MARCHF1: variants seen among roughly 807,000 people sequenced by gnomAD.
MARCHF1 encodes E3 ubiquitin-protein ligase MARCHF1.
MARCHF1 carries 40 observed loss-of-function variants against 54.2 expected under a neutral mutation model. The observed-to-expected ratio is 0.74, with a 90% CI of 0.57 to 0.96. The LOEUF is 0.96. Ranked by LOEUF, MARCHF1 falls within the 40% of genes least tolerant of loss-of-function variation. The pLI is 0.00. For missense variants in MARCHF1, 586 were observed against 656.5 expected, an observed-to-expected ratio of 0.89 and a Z score of 1.17; for synonymous variants, 236 against 236.3, an observed-to-expected ratio of 1.00 and a Z score of 0.01.
chr4:163,728,550 T>C (rs1020707691), intron 4 of MARCHF1, among the ~76,000 whole-genome samples: 1 of 152,210 alleles, frequency 6.6e-6, no homozygotes, highest in Non-Finnish European at 1.5e-5. Flanking sequence ...CTTCATTATT[T>C]TGAGTGCTAA....
intron 3 of MARCHF1, among the ~76,000 whole-genome samples, chr4:163,902,222 G>A (rs1183997709): frequency 1.3e-5 from 2 of 152,064 alleles, no homozygotes; most frequent in South Asian, 4.1e-4. Flanking sequence ...GATCCCACAG[G>A]GGTCTCTCAA....
chr4:163,799,497 G>C (rs1028232840), intron 4 of MARCHF1, among the ~76,000 whole-genome samples: 2 of 152,094 alleles, frequency 1.3e-5, no homozygotes, highest in African/African-American at 4.8e-5. Flanking sequence ...AGGCAAGTGT[G>C]AACTAGCATG....
In MARCHF1 at chr4:164,274,659, C is replaced by CTTCTTTTTTTTTTTTTTTTTTTTTTTTT. The variant is rs1733826760; in HGVS notation, c.-323+109210_-323+109211insAAAAAAAAAAAAAAAAAAAAAAAAAGAA. Reference sequence around the variant, plus strand: ...CGCTTGATGTGTGCTTCAGGGTACACTTTTTTTTTTTTTTTTTTTTTTTTT... The same window carrying CTTCTTTTTTTTTTTTTTTTTTTTTTTTT: ...CGCTTGATGTGTGCTTCAGGGTACACTTCTTTTTTTTTTTTTTTTTTTTTTTTTTTTTTTTTTTTTTTTTTTTTTTTTT... On this transcript the variant is annotated intron_variant, in intron 1 of 9. Coordinates refer to ENST00000514618, the MANE Select transcript of MARCHF1 (RefSeq NM_001394959.1). Among the ~76,000 whole-genome samples the CTTCTTTTTTTTTTTTTTTTTTTTTTTTT allele has an allele frequency of 4.5e-5, 2 of 44,644 alleles. 1 individual carries two copies. Among genetic ancestry groups the CTTCTTTTTTTTTTTTTTTTTTTTTTTTT allele is most frequent in the African/African-American group, 1.5e-4 (2 of 13,408 alleles). The allele number at this position is 44,644 out of a possible 152,430, so 29.3% of individuals were successfully genotyped here. A position where few individuals can be genotyped will look rare whatever the true frequency, so the allele number is the denominator to read the frequency against.
chr4:163,704,295 T>C (rs1374893225), intron 4 of MARCHF1, among the ~76,000 whole-genome samples: 5 of 151,646 alleles, frequency 3.3e-5, no homozygotes, highest in Admixed American at 6.6e-5. Flanking sequence ...AAGTAGACAA[T>C]AGAGCAGTTT....
At chr4:164,296,309 CATGGGATAA>C (rs1358115158) in intron 1 of MARCHF1, among the ~76,000 whole-genome samples, 2 of 152,122 alleles carry the variant, frequency 1.3e-5, no homozygotes, top group African/African-American at 4.8e-5. Flanking sequence ...TTTTTTAACT[CATGGGATAA>C]ATATTCCATT....
intron 4 of MARCHF1, among the ~76,000 whole-genome samples, chr4:163,766,750 C>A (rs1197958370): frequency 6.6e-6 from 1 of 152,222 alleles, no homozygotes; most frequent in Non-Finnish European, 1.5e-5. Flanking sequence ...ACATTTGCTT[C>A]ATTTTTTAGA....
At chr4:163,745,100 T>C (rs1007700780) in intron 4 of MARCHF1, among the ~76,000 whole-genome samples, 2 of 151,418 alleles carry the variant, frequency 1.3e-5, no homozygotes, top group African/African-American at 2.4e-5. Flanking sequence ...GCTCGTTTTT[T>C]CTTTTTCTTT....
intron 3 of MARCHF1, among the ~76,000 whole-genome samples, chr4:163,903,013 C>T (rs1750975169): frequency 6.6e-6 from 1 of 152,170 alleles, no homozygotes; most frequent in South Asian, 2.1e-4. Context: ...CCTTCACACT[C>T]TCCAGACTAT....
intron 1 of MARCHF1, among the ~76,000 whole-genome samples, chr4:164,229,645 G>C (rs74527527): frequency 1.3e-5 from 2 of 152,240 alleles, no homozygotes; most frequent in African/African-American, 4.8e-5. Flanking sequence ...ATTGGCTGAT[G>C]GTTCTGCAGG....
chr4:163,727,453 G>A (rs985997565), intron 4 of MARCHF1, among the ~76,000 whole-genome samples: 6 of 151,840 alleles, frequency 4.0e-5, no homozygotes, highest in Admixed American at 2.6e-4. Context: ...GACTACAGGC[G>A]CATGCCGCCA....
chr4:164,182,616 T>C (rs2111018558), intron 1 of MARCHF1, among the ~76,000 whole-genome samples: 1 of 152,068 alleles, frequency 6.6e-6, no homozygotes, highest in African/African-American at 2.4e-5. Flanking sequence ...AAGCGTCTGA[T>C]GTATGTGCAA....
At chr4:164,279,767 T>C (rs1417284199) in intron 1 of MARCHF1, among the ~76,000 whole-genome samples, 1 of 151,590 alleles carries the variant, frequency 6.6e-6, no homozygotes, top group Non-Finnish European at 1.5e-5. Context: ...AAAAAGTAAC[T>C]GCTATATTGT....
intron 2 of MARCHF1, among the ~76,000 whole-genome samples, chr4:164,049,674 A>G (rs1288975830): frequency 6.6e-6 from 1 of 152,126 alleles, no homozygotes; most frequent in African/African-American, 2.4e-5. Flanking sequence ...AGAATCATCA[A>G]TATCATTTTT....
chr4:164,346,908 G>A (rs1458039731), intron 1 of MARCHF1, among the ~76,000 whole-genome samples: 1 of 151,904 alleles, frequency 6.6e-6, no homozygotes, highest in African/African-American at 2.4e-5. Context: ...TAGGAAAAAT[G>A]TAAATGTAAA....
intron 1 of MARCHF1, among the ~76,000 whole-genome samples, chr4:164,198,586 G>A (rs144891467): frequency 2.0e-5 from 3 of 152,240 alleles, no homozygotes; most frequent in African/African-American, 7.2e-5. Context: ...CTTTTCACAG[G>A]CTATGGGATT....
chr4:164,091,410 T>TTTATATATATA (rs145149996), intron 2 of MARCHF1, among the ~76,000 whole-genome samples: 1 of 136,944 alleles, frequency 7.3e-6, no homozygotes, highest in African/African-American at 2.7e-5. Flanking sequence ...TCACCAAGTT[T>TTTATATATATA]TATATATATA....
intron 3 of MARCHF1, among the ~76,000 whole-genome samples, chr4:163,872,652 T>C (rs1750192672): frequency 6.6e-6 from 1 of 152,210 alleles, no homozygotes; most frequent in Admixed American, 6.5e-5. Context: ...AGGTATTCTA[T>C]GTCAGAATAC....
chr4:163,787,893 C>A (rs1049891563), intron 4 of MARCHF1, among the ~76,000 whole-genome samples: 2 of 151,878 alleles, frequency 1.3e-5, no homozygotes, highest in African/African-American at 4.8e-5. Context: ...ATTATACAAC[C>A]TTAAGAAAGA....
intron 2 of MARCHF1, among the ~76,000 whole-genome samples, chr4:164,066,464 C>T (rs1459215613): frequency 6.6e-6 from 1 of 152,156 alleles, no homozygotes; most frequent in African/African-American, 2.4e-5. Context: ...TGTGGCATTT[C>T]CTCAAAGACC....
Sources: allele counts gnomAD v4.1 joint callset (sites outside exome capture counted in the v4.1 genomes callset), GRCh38; gene constraint gnomAD v4.1.1; transcripts MANE v1.5; gene names NCBI Gene and HGNC (gene_info 2026-07-23, HGNC 2026-07-21).